MTUS2: variants seen among roughly 807,000 people sequenced by gnomAD.
MTUS2 encodes microtubule associated scaffold protein 2.
In MTUS2, 40 loss-of-function variants were observed where a neutral mutation model predicts 114.1. That is an observed-to-expected ratio of 0.35 (90% CI 0.27 to 0.46). The LOEUF is 0.46. Ranked by LOEUF, MTUS2 falls within the 20% of genes least tolerant of loss-of-function variation. MTUS2 has a pLI of 1.00. For synonymous variants in MTUS2, 688 were observed against 672.0 expected (o/e 1.02, Z -0.37); for missense variants, 1,679 against 1,705.4 (o/e 0.98, Z 0.27).
At position 28,956,906 on chromosome 13, in the gene MTUS2, G is replaced by A. The variant is rs562617236; in HGVS notation, c.-242-67551G>A. ...AGTGTGATGGCGACAGAGGGAAGAA[G>A]GCTGCCCTCGAGATGGGCGATCTGG... On this transcript the variant is annotated intron_variant, in intron 2 of 15. Coordinates refer to ENST00000612955, the MANE Select transcript of MTUS2 (RefSeq NM_001033602.4). 2.6e-5 allele frequency among the ~76,000 whole-genome samples: 4 copies of A among 151,482 alleles called. No homozygotes were observed. The East Asian group carries it at 7.8e-4, about 29-fold the overall frequency.
intron 2 of MTUS2, among the ~76,000 whole-genome samples, chr13:28,905,649 A>G (rs1408139393): frequency 2.0e-5 from 3 of 150,734 alleles, no homozygotes; most frequent in East Asian, 4.1e-4. Context: ...TGCTGGATTC[A>G]GTTTGCCAGT....
At chr13:29,339,096 G>T (rs555936709) in intron 7 of MTUS2, among the ~76,000 whole-genome samples, 8 of 152,142 alleles carry the variant, frequency 5.3e-5, no homozygotes, top group African/African-American at 9.7e-5. Flanking sequence ...CTGGGTGTGC[G>T]CAGAGGTACA....
intron 2 of MTUS2, among the ~76,000 whole-genome samples, chr13:28,966,964 G>C (rs1374538738): frequency 6.6e-6 from 1 of 152,134 alleles, no homozygotes; most frequent in Non-Finnish European, 1.5e-5. Context: ...CCTTGATTAA[G>C]TGTGGTAAAT....
chr13:29,383,155 T>C (rs986045854), intron 8 of MTUS2, among the ~76,000 whole-genome samples: 6 of 150,274 alleles, frequency 4.0e-5, no homozygotes, highest in Non-Finnish European at 8.9e-5. Flanking sequence ...TCTTCTAGTC[T>C]TGTTAAATGA....
At chr13:29,498,639 G>T (rs868555051) in intron 14 of MTUS2, 102 bp downstream of exon 14, 1 of 1,479,118 alleles carries the variant, frequency 6.8e-7, no homozygotes, top group Middle Eastern at 1.8e-4. Flanking sequence ...TCCCTTACCT[G>T]CCCATTGCTT....
At chr13:29,268,491 G>T (rs111506338) in intron 5 of MTUS2, among the ~76,000 whole-genome samples, 7 of 152,046 alleles carry the variant, frequency 4.6e-5, no homozygotes, top group Non-Finnish European at 1.0e-4. Flanking sequence ...CAGATCAAAT[G>T]CTCTGCTTTC....
At chr13:29,305,908 A>G (rs899484422) in intron 6 of MTUS2, among the ~76,000 whole-genome samples, 6 of 152,216 alleles carry the variant, frequency 3.9e-5, no homozygotes, top group South Asian at 2.1e-4. Flanking sequence ...GGCAAACTGA[A>G]TCCAGCAGCA....
intron 2 of MTUS2, among the ~76,000 whole-genome samples, chr13:28,845,136 A>T (rs1414704327): frequency 6.6e-6 from 1 of 151,872 alleles, no homozygotes; most frequent in East Asian, 1.9e-4. Context: ...TTTTTATTAA[A>T]TTTTTGTAGA....
chr13:29,325,466 A>AAAAAAAG (rs1555265213), intron 7 of MTUS2, among the ~76,000 whole-genome samples: 19 of 126,392 alleles, frequency 1.5e-4, no homozygotes, highest in Admixed American at 2.6e-4. Context: ...AAAAAAAAAA[A>AAAAAAAG]AAAAGAAAAG....
At chr13:29,465,096 C>G (rs191188134) in intron 9 of MTUS2, among the ~76,000 whole-genome samples, 1 of 152,128 alleles carries the variant, frequency 6.6e-6, no homozygotes, top group African/African-American at 2.4e-5. Context: ...GTTCAATAAC[C>G]CTCTCTACAC....
chr13:28,912,163 A>G (rs945962424), intron 2 of MTUS2, among the ~76,000 whole-genome samples: 5 of 152,064 alleles, frequency 3.3e-5, no homozygotes, highest in African/African-American at 7.3e-5. Context: ...TAAGTCTTCA[A>G]CCCATCTTGA....
intron 8 of MTUS2, among the ~76,000 whole-genome samples, chr13:29,436,919 A>T (rs1877451718): frequency 6.6e-6 from 1 of 151,888 alleles, no homozygotes; most frequent in African/African-American, 2.4e-5. Flanking sequence ...ACAAAACATC[A>T]GCATTAGGTT....
chr13:29,114,156 C>CTT (rs559594959), intron 5 of MTUS2, among the ~76,000 whole-genome samples: 46 of 147,022 alleles, frequency 3.1e-4, no homozygotes, highest in Admixed American at 4.1e-4. Context: ...CTGATTAAAC[C>CTT]TTTTTTTTTT....
chr13:28,875,078 A>G (rs1877851688), intron 2 of MTUS2, among the ~76,000 whole-genome samples: 1 of 152,232 alleles, frequency 6.6e-6, no homozygotes, highest in Admixed American at 6.5e-5. Context: ...CTTGGTACAT[A>G]ATGGATGTTC....
intron 2 of MTUS2, among the ~76,000 whole-genome samples, chr13:28,890,215 T>C (rs1329674512): frequency 1.3e-5 from 2 of 152,228 alleles, no homozygotes; most frequent in East Asian, 3.8e-4. Context: ...CTGAAACATC[T>C]AGACAAGTAT....
chr13:29,024,910 G>T lies in MTUS2; in HGVS notation c.212G>T (p.Arg71Leu). The T allele has an allele frequency of 6.2e-7, 1 of 1,613,810 alleles. No individual in the cohort carries two copies. The highest frequency in any genetic ancestry group is 8.5e-7 in the Non-Finnish European group (1 of 1,179,828). Residue 71 changes from arginine to leucine, a missense_variant, in exon 3 of 16, where the codon CGT becomes CTT. Around this residue, in one of 3 missense-constraint regions of MTUS2, gnomAD observed 843 missense variants for 770.8 expected, o/e 1.09. Coordinates refer to ENST00000612955, the MANE Select transcript of MTUS2 (RefSeq NM_001033602.4). ...ACAAATTCAAGTGAGCCAGAAAACC[G>T]TACCCATTTCCATAAGGAATTTCAC... Reference protein sequence around the residue: ...GNTNSSEPENRTHFHKEFHQL... With the variant: ...GNTNSSEPENLTHFHKEFHQL...
chr13:29,064,337 G>T (rs1888557284), intron 4 of MTUS2, among the ~76,000 whole-genome samples: 1 of 151,376 alleles, frequency 6.6e-6, no homozygotes, highest in South Asian at 2.1e-4. Context: ...AAGCCAGATG[G>T]GTAGGTTGGG....
chr13:29,194,840 C>A (rs1894608650), intron 5 of MTUS2, among the ~76,000 whole-genome samples: 1 of 151,636 alleles, frequency 6.6e-6, no homozygotes, highest in Non-Finnish European at 1.5e-5. Context: ...GACTTGGAAC[C>A]AACCCAAATG....
At chr13:28,934,373 C>T (rs1881779689) in intron 2 of MTUS2, among the ~76,000 whole-genome samples, 1 of 152,140 alleles carries the variant, frequency 6.6e-6, no homozygotes, top group South Asian at 2.1e-4. Context: ...GATTCACTCA[C>T]TGTTACATAA....
Sources: gnomAD v4.1 joint callset for allele counts (sites outside exome capture counted in the v4.1 genomes callset) on GRCh38, gnomAD v4.1.1 for gene constraint, gnomAD v4.1.1 regional missense constraint, MANE v1.5 for transcripts, NCBI Gene and HGNC (gene_info 2026-07-23, HGNC 2026-07-21) for gene names.